SLC35F3: variants seen among roughly 807,000 people sequenced by gnomAD.
SLC35F3 encodes the protein putative thiamine transporter SLC35F3.
In SLC35F3, 25 loss-of-function variants were observed where a neutral mutation model predicts 49.9. That is an observed-to-expected ratio of 0.50 (90% CI 0.37 to 0.70). The LOEUF (loss-of-function observed/expected upper bound fraction) is 0.70, where lower values mean the gene tolerates loss of function less well. Ranked by LOEUF, SLC35F3 falls within the 30% of genes least tolerant of loss-of-function variation. The probability of loss-of-function intolerance (pLI) is 0.00; values close to 1 mark genes in which losing one functional copy is unlikely to be tolerated. For synonymous variants in SLC35F3, 275 were observed against 265.4 expected (o/e 1.04, Z -0.35); for missense variants, 525 against 639.8 (o/e 0.82, Z 1.94).
Position 234,237,035 on chromosome 1 carries a change from A to C in SLC35F3, c.608+5294A>C, listed in dbSNP as rs1331769457. Among the ~76,000 whole-genome samples the C allele has an allele frequency of 1.6e-4, 24 of 149,236 alleles. No individual in the cohort carries two copies. In the Admixed American group the frequency reaches 1.6e-3, roughly 10 times the overall value. ...TTTGGCTGTGAAGACAGGGCACAGT[A>C]GATCTTGGGACTCCAAATTCAGCTG... On this transcript the variant is annotated intron_variant, in intron 3 of 7. Coordinates refer to ENST00000366618, the MANE Select transcript of SLC35F3 (RefSeq NM_173508.4).
intron 2 of SLC35F3, among the ~76,000 whole-genome samples, chr1:233,906,956 C>T (rs1661787464): frequency 6.6e-6 from 1 of 152,274 alleles, no homozygotes; most frequent in Non-Finnish European, 1.5e-5. Flanking sequence ...TTGTCTGTAT[C>T]TCTTCCAATC....
At chr1:233,925,074 AGGTGT>A (rs1183537028) in intron 2 of SLC35F3, among the ~76,000 whole-genome samples, 2 of 152,150 alleles carry the variant, frequency 1.3e-5, no homozygotes, top group Non-Finnish European at 2.9e-5. Flanking sequence ...ATTTTGGAAT[AGGTGT>A]GGTGTGGTGC....
intron 2 of SLC35F3, among the ~76,000 whole-genome samples, chr1:233,934,205 G>A (rs571292024): frequency 1.3e-5 from 2 of 152,310 alleles, no homozygotes; most frequent in Admixed American, 1.3e-4. Context: ...CACATTAAAA[G>A]TGGCCTTTAT....
At chr1:234,087,524 A>G (rs1250114446) in intron 2 of SLC35F3, among the ~76,000 whole-genome samples, 5 of 152,172 alleles carry the variant, frequency 3.3e-5, no homozygotes, top group African/African-American at 1.2e-4. Flanking sequence ...TCACCCAACC[A>G]AGCTAGTGAA....
chr1:234,285,207 A>C (rs1350500979), intron 3 of SLC35F3: 2 of 402,238 alleles, frequency 5.0e-6, no homozygotes, highest in Non-Finnish European at 9.7e-6. Flanking sequence ...TCATGCACAG[A>C]ACATGATCAA....
intron 2 of SLC35F3, among the ~76,000 whole-genome samples, chr1:234,005,072 C>G (rs1663609549): frequency 1.3e-5 from 2 of 152,056 alleles, no homozygotes; most frequent in African/African-American, 2.4e-5. Context: ...TCTTTAAAGT[C>G]TTTTAAAAAG....
chr1:234,044,522 T>A (rs1664263613), intron 2 of SLC35F3, among the ~76,000 whole-genome samples: 1 of 152,220 alleles, frequency 6.6e-6, no homozygotes, highest in Non-Finnish European at 1.5e-5. Flanking sequence ...ATTGCCAAAT[T>A]GCTGTGCAGA....
At position 234,231,856 on chromosome 1, in the gene SLC35F3, A is replaced by C. The variant is rs1572106174; in HGVS notation, c.608+115A>C. 1.9e-6 allele frequency: 2 copies of C among 1,034,150 alleles called. No homozygotes were observed. The highest frequency in any genetic ancestry group is 3.2e-5 in the African/African-American group (2 of 62,114). 64.1% of individuals were successfully genotyped at this position (1,034,150 alleles called of 1,614,324 possible). A position where few individuals can be genotyped will look rare whatever the true frequency, so the allele number is the denominator to read the frequency against. On this transcript the variant is annotated intron_variant, in intron 3 of 7. Transcript: ENST00000366618. The surrounding 1 kb of genome is among the most constrained non-coding windows in gnomAD (Gnocchi z 5.4). ...GGGATGAGCCGGTGGGAGCCCGTGG[A>C]GAGATGTTGCAGTGAATGCACCTGC...
chr1:234,067,066 T>C (rs1206365440), intron 2 of SLC35F3, among the ~76,000 whole-genome samples: 1 of 152,228 alleles, frequency 6.6e-6, no homozygotes, highest in African/African-American at 2.4e-5. Context: ...TCTGCTTTCT[T>C]AGTTCTGATT....
intron 2 of SLC35F3, among the ~76,000 whole-genome samples, chr1:234,166,975 T>C (rs1666331504): frequency 2.0e-5 from 3 of 152,350 alleles, no homozygotes; most frequent in South Asian, 2.1e-4. Flanking sequence ...TGCCTCAAGA[T>C]AGTGGTGTCA....
rs185724053 is a variant in SLC35F3, at chr1:233,950,321, G to A, written c.283+44563G>A. On this transcript the variant is annotated intron_variant, in intron 2 of 7. Transcript: ENST00000366618. Reference sequence around the variant, plus strand: ...GAATGACATGGACCCATGAGGCGGAGCTTGCAGTGAGCCGAGATCACGCCA... The same window carrying A: ...GAATGACATGGACCCATGAGGCGGAACTTGCAGTGAGCCGAGATCACGCCA... Among the ~76,000 whole-genome samples, 739 of 139,886 alleles carry A rather than the reference G, an allele frequency of 5.3e-3. 4 individuals carry two copies. Among genetic ancestry groups the A allele is most frequent in the Non-Finnish European group, 8.6e-3 (577 of 66,900 alleles). 91.8% of individuals were successfully genotyped at this position (139,886 alleles called of 152,430 possible). A position where few individuals can be genotyped will look rare whatever the true frequency, so the allele number is the denominator to read the frequency against.
chr1:234,142,341 C>G (rs1665929106), intron 2 of SLC35F3, among the ~76,000 whole-genome samples: 1 of 152,156 alleles, frequency 6.6e-6, no homozygotes. Context: ...GGTTGGCTTC[C>G]CCAGGCTCTG....
At chr1:234,260,552 T>A (rs984087400) in intron 3 of SLC35F3, among the ~76,000 whole-genome samples, 1 of 152,232 alleles carries the variant, frequency 6.6e-6, no homozygotes, top group East Asian at 1.9e-4. Context: ...TCCTCCTTCT[T>A]TGAGTTTTGA....
chr1:234,279,206 T>C (rs113151726), intron 3 of SLC35F3, among the ~76,000 whole-genome samples: 8,636 of 151,968 alleles, frequency 0.057, 305 homozygotes, highest in African/African-American at 0.095. Flanking sequence ...AAGAGACAAA[T>C]GGTTACATTC....
chr1:234,095,803 G>C (rs916939020), intron 2 of SLC35F3, among the ~76,000 whole-genome samples: 4 of 152,146 alleles, frequency 2.6e-5, no homozygotes, highest in Non-Finnish European at 5.9e-5. Context: ...TGTAAAATGG[G>C]AATAATAGTC....
At chr1:234,190,517 A>G (rs1456378002) in intron 2 of SLC35F3, among the ~76,000 whole-genome samples, 1 of 152,228 alleles carries the variant, frequency 6.6e-6, no homozygotes, top group Non-Finnish European at 1.5e-5. Flanking sequence ...GGAAAATGTC[A>G]CAATCATCCT....
At chr1:233,961,558 G>A (rs1023115443) in intron 2 of SLC35F3, among the ~76,000 whole-genome samples, 8 of 149,438 alleles carry the variant, frequency 5.4e-5, no homozygotes, top group Non-Finnish European at 1.2e-4. Context: ...CTGGGTTCCA[G>A]CGATTTTCCC....
At chr1:233,915,495 A>C (rs988948305) in intron 2 of SLC35F3, among the ~76,000 whole-genome samples, 2 of 152,154 alleles carry the variant, frequency 1.3e-5, no homozygotes, top group African/African-American at 4.8e-5. Context: ...GCAGTGACGT[A>C]TGTATGATTG....
At chr1:234,210,090 T>A (rs188050128) in intron 2 of SLC35F3, among the ~76,000 whole-genome samples, 267 of 152,156 alleles carry the variant, frequency 1.8e-3, no homozygotes, top group African/African-American at 6.0e-3. Context: ...AGTGAGTAAG[T>A]CTCATGAGAA....
Sources: gnomAD v4.1 joint callset for allele counts (sites outside exome capture counted in the v4.1 genomes callset) on GRCh38, gnomAD v4.1.1 for gene constraint, Gnocchi (gnomAD v3.1) non-coding constraint, MANE v1.5 for transcripts, NCBI Gene and HGNC (gene_info 2026-07-23, HGNC 2026-07-21) for gene names.